The following CFAP58 variants were observed in gnomAD, a reference collection of about 807,000 sequenced individuals.
The protein encoded by CFAP58 is cilia and flagella associated protein 58, also known as cilia- and flagella-associated protein 58.
In CFAP58, 88 loss-of-function variants were observed where a neutral mutation model predicts 119.5. The ratio of observed to expected loss-of-function variants is 0.74; its 90% CI spans 0.62 to 0.88. The LOEUF is 0.88. CFAP58 is among the 40% of genes least tolerant of loss of function. The pLI is 0.00. For synonymous variants in CFAP58, 365 were observed against 366.3 expected, an observed-to-expected ratio of 1.00 and a Z score of 0.04; for missense variants, 990 against 1,021.2, an observed-to-expected ratio of 0.97 and a Z score of 0.42.
chr10:104,359,704 G>A (rs1047276996), intron 2 of CFAP58, among the ~76,000 whole-genome samples: 1 of 152,184 alleles, frequency 6.6e-6, no homozygotes, highest in African/African-American at 2.4e-5. Context: ...GGCTGATGCA[G>A]GAGAATCACT....
rs1449897820 is a variant in CFAP58, at chr10:104,368,118, G to A, written c.793-305G>A. Among the ~76,000 whole-genome samples, 5 of 152,256 alleles carry A rather than the reference G, an allele frequency of 3.3e-5. No individual in the cohort carries two copies. In the East Asian group the frequency reaches 9.6e-4, roughly 29 times the overall value. On this transcript the variant is annotated intron_variant, in intron 5 of 17. Coordinates refer to ENST00000369704, the MANE Select transcript of CFAP58 (RefSeq NM_001008723.2). Reference sequence around the variant, plus strand: ...AGCAATTGTTGCATATGCGAAGCCTGCCAAATGGCAAACAGGCATTAAAAT... The same window carrying A: ...AGCAATTGTTGCATATGCGAAGCCTACCAAATGGCAAACAGGCATTAAAAT...
chr10:104,447,821 A>C lies in CFAP58; in HGVS notation c.2376+4A>C. The C allele has an allele frequency of 1.2e-5, 20 of 1,609,824 alleles. No individual in the cohort carries two copies. The highest frequency in any genetic ancestry group is 1.7e-5 in the Non-Finnish European group (20 of 1,177,496). Reference sequence around the variant, plus strand: ...TGACAAGAAGCAGCAGCTGAAAGTAAGTGGTAGCCCCTGTTCCTTCCGGGT... The same window carrying C: ...TGACAAGAAGCAGCAGCTGAAAGTACGTGGTAGCCCCTGTTCCTTCCGGGT... On this transcript the variant is annotated splice_donor_region_variant and intron_variant, in intron 16 of 17. Transcript: ENST00000369704.
intron 1 of CFAP58, among the ~76,000 whole-genome samples, chr10:104,358,056 TAC>T (rs2014613865): frequency 6.7e-6 from 1 of 149,378 alleles, no homozygotes; most frequent in Non-Finnish European, 1.5e-5. Flanking sequence ...CACATATATG[TAC>T]ATATATACAC....
intron 9 of CFAP58, among the ~76,000 whole-genome samples, chr10:104,380,933 T>A (rs1033006406): frequency 2.6e-5 from 4 of 152,126 alleles, no homozygotes; most frequent in African/African-American, 9.7e-5. Context: ...GTGGATAGCT[T>A]GAGGCCAGGA....
intron 15 of CFAP58, among the ~76,000 whole-genome samples, chr10:104,418,235 G>A (rs1275538794): frequency 2.0e-5 from 3 of 152,170 alleles, no homozygotes; most frequent in African/African-American, 7.2e-5. Context: ...GAAAGCATTT[G>A]CTGACCCCTC....
At chr10:104,406,153 G>A (rs1564894747) in intron 14 of CFAP58, among the ~76,000 whole-genome samples, 1 of 152,174 alleles carries the variant, frequency 6.6e-6, no homozygotes, top group Non-Finnish European at 1.5e-5. Context: ...AGATGGTAGG[G>A]TAAGCCTCAG....
chr10:104,364,750 G>A lies in CFAP58; in HGVS notation c.458G>A (p.Arg153Lys). ...DQHSNIRDLL[R>K]FKEEVTKERD... ...CTTTTTAGCATCCGAGATTTACTGA[G>A]GTTCAAAGAAGAAGTGACAAAGGAG... Residue 153 changes from arginine (R) to lysine (K), a missense_variant, in exon 4 of 18, where the codon AGG becomes AAG. Coordinates refer to ENST00000369704, the MANE Select transcript of CFAP58 (RefSeq NM_001008723.2). 1 of 1,613,014 alleles carries A rather than the reference G, an allele frequency of 6.2e-7. No homozygotes were observed. The highest frequency in any genetic ancestry group is 8.5e-7 in the Non-Finnish European group (1 of 1,179,544).
intron 7 of CFAP58, among the ~76,000 whole-genome samples, chr10:104,371,349 T>A (rs1236600122): frequency 1.3e-5 from 2 of 152,244 alleles, no homozygotes; most frequent in Non-Finnish European, 2.9e-5. Context: ...AACTCTTATG[T>A]CTGAGGTTCA....
At chr10:104,403,694 A>C in intron 13 of CFAP58, 35 bp from the exon 14 acceptor site, 1 of 1,418,938 alleles carries the variant, frequency 7.0e-7, no homozygotes, top group Non-Finnish European at 9.8e-7. Context: ...AAACGGGTGG[A>C]TAATTCTTTG....
chr10:104,453,220 G>A (rs889368250), intron 17 of CFAP58, among the ~76,000 whole-genome samples: 5 of 152,084 alleles, frequency 3.3e-5, no homozygotes. Flanking sequence ...AGTTGCCAAA[G>A]TACAAGAAAG....
chr10:104,375,414 A>G (rs2011638306), intron 7 of CFAP58, among the ~76,000 whole-genome samples: 1 of 152,186 alleles, frequency 6.6e-6, no homozygotes, highest in Non-Finnish European at 1.5e-5. Context: ...ATAATAAAAA[A>G]CATTTAAAAA....
chr10:104,348,706 C>T, the CFAP58 span, among the ~76,000 whole-genome samples: 1 of 152,174 alleles, frequency 6.6e-6, no homozygotes, highest in Non-Finnish European at 1.5e-5. Context: ...AGTGCTGTTC[C>T]CCATACTTGA....
chr10:104,419,151 C>T (rs1367057503), intron 15 of CFAP58, among the ~76,000 whole-genome samples: 1 of 152,164 alleles, frequency 6.6e-6, no homozygotes, highest in African/African-American at 2.4e-5. Context: ...ATGCTTCTGC[C>T]TGCCAGGGAG....
intron 7 of CFAP58, among the ~76,000 whole-genome samples, chr10:104,373,719 A>G (rs558014715): frequency 6.6e-6 from 1 of 152,350 alleles, no homozygotes; most frequent in Non-Finnish European, 1.5e-5. Context: ...AAGAATAAAC[A>G]TATGAAAATA....
chr10:104,375,876 A>T lies in CFAP58; in HGVS notation c.1091-935A>T, dbSNP rs187584451. ...TATCTGAAGACCTGGGATCAATAGA[A>T]AGGAAATGCTCAGGTTTAGATAAAG... On this transcript the variant is annotated intron_variant, in intron 7 of 17. Coordinates refer to ENST00000369704, the MANE Select transcript of CFAP58 (RefSeq NM_001008723.2). Among the ~76,000 whole-genome samples the T allele has an allele frequency of 5.4e-3, 829 of 152,254 alleles. 7 individuals carry two copies. The highest frequency in any genetic ancestry group is 0.018 in the African/African-American group (759 of 41,544).
Position 104,400,896 on chromosome 10 carries a change from G to A in CFAP58, c.2032G>A (p.Glu678Lys). ...TGCCAGGAGTATGGCTAATGTTGAAGAACTCAGGTAATAGATTATAGAACT... is the reference window on the plus strand; with the variant it reads ...TGCCAGGAGTATGGCTAATGTTGAAAAACTCAGGTAATAGATTATAGAACT... ...ILARSMANVE[E>K]LRQEFFHMQR... Residue 678 changes from glutamate (E) to lysine (K), a missense_variant, in exon 13 of 18, where the codon GAA (glutamate) becomes AAA (lysine). Coordinates refer to ENST00000369704, the MANE Select transcript of CFAP58 (RefSeq NM_001008723.2). 1.9e-6 allele frequency: 3 copies of A among 1,613,358 alleles called. No individual in the cohort carries two copies. Among genetic ancestry groups the A allele is most frequent in the Non-Finnish European group, 2.5e-6 (3 of 1,179,414 alleles).
chr10:104,339,096 A>AG, the CFAP58 span, among the ~76,000 whole-genome samples: 1 of 151,986 alleles, frequency 6.6e-6, no homozygotes, highest in Admixed American at 6.6e-5. Context: ...TTAGTAGAGA[A>AG]GGTGTTTCTC....
At chr10:104,366,196 T>A (rs947541686) in intron 5 of CFAP58, among the ~76,000 whole-genome samples, 188 bp downstream of exon 5, 7 of 152,186 alleles carry the variant, frequency 4.6e-5, no homozygotes, top group Non-Finnish European at 7.4e-5. Context: ...ATGCCCCCCC[T>A]TTTAAATTTC....
chr10:104,431,563 C>A (rs1420769556), intron 15 of CFAP58, among the ~76,000 whole-genome samples: 6 of 152,002 alleles, frequency 3.9e-5, no homozygotes, highest in Admixed American at 3.9e-4. Context: ...AGAACACAAC[C>A]AGTCTCTATT....
Sources: allele counts gnomAD v4.1 joint callset (sites outside exome capture counted in the v4.1 genomes callset), GRCh38; gene constraint gnomAD v4.1.1; transcripts MANE v1.5; gene names NCBI Gene and HGNC (gene_info 2026-07-23, HGNC 2026-07-21).